CMIP: variants seen among roughly 807,000 people sequenced by gnomAD.
CMIP encodes the protein C-Maf-inducing protein.
A neutral mutation model predicts 97.3 loss-of-function variants in CMIP; 13 were observed. That is an observed-to-expected ratio of 0.13 (90% confidence interval 0.09 to 0.21). The LOEUF (loss-of-function observed/expected upper bound fraction) is 0.21. CMIP is among the 10% of genes least tolerant of loss of function. The pLI is 1.00. For missense variants in CMIP, 847 were observed against 1,024.9 expected, an observed-to-expected ratio of 0.83 and a Z score of 2.37; for synonymous variants, 538 against 436.3, an observed-to-expected ratio of 1.23 and a Z score of -2.91.
chr16:81,597,427 T>A (rs1237223468), intron 1 of CMIP, among the ~76,000 whole-genome samples: 1 of 152,200 alleles, frequency 6.6e-6, no homozygotes, highest in Non-Finnish European at 1.5e-5. Flanking sequence ...TTCCCAGCTC[T>A]CTCCTGAATA....
chr16:81,704,200 C>G, intron 18 of CMIP, 115 bp downstream of exon 18: 2 of 656,852 alleles, frequency 3.0e-6, no homozygotes, highest in Non-Finnish European at 4.9e-6. Flanking sequence ...CTGCCCCCTC[C>G]CCCTCCTTCC....
At chr16:81,495,319 C>G in intron 1 of CMIP, 1 of 1,453,046 alleles carries the variant, frequency 6.9e-7, no homozygotes, top group South Asian at 1.4e-5. Flanking sequence ...CAGGCTGGTT[C>G]AGTGATAAGC....
intron 1 of CMIP, among the ~76,000 whole-genome samples, chr16:81,560,353 G>A (rs1253574433): frequency 1.3e-5 from 2 of 151,468 alleles, no homozygotes; most frequent in Admixed American, 1.3e-4. Context: ...CCAGTAGCTG[G>A]GACTACAGGC....
chr16:81,630,612 T>C (rs1207759747), intron 3 of CMIP: 1 of 152,202 alleles, frequency 6.6e-6, no homozygotes, highest in African/African-American at 2.4e-5. Context: ...GGTCCATTCT[T>C]GGAGGGTCCT....
At chr16:81,661,179 A>G (rs775286445) in intron 6 of CMIP, among the ~76,000 whole-genome samples, 7 of 152,150 alleles carry the variant, frequency 4.6e-5, no homozygotes, top group African/African-American at 7.2e-5. Flanking sequence ...TTTCCTTGGA[A>G]TCACTTCCCG....
chr16:81,666,937 C>T (rs1217248871), intron 7 of CMIP: 1 of 150,006 alleles, frequency 6.7e-6, no homozygotes, highest in Non-Finnish European at 1.5e-5. Context: ...GGGTCAGCAG[C>T]ACCGTTGTGG....
intron 1 of CMIP, among the ~76,000 whole-genome samples, chr16:81,605,030 A>C (rs1432066550): frequency 6.6e-6 from 1 of 152,202 alleles, no homozygotes. Context: ...GGACACAGAC[A>C]ATCAGTGACC....
chr16:81,584,499 C>T (rs1419981000), intron 1 of CMIP, among the ~76,000 whole-genome samples: 1 of 152,138 alleles, frequency 6.6e-6, no homozygotes, highest in African/African-American at 2.4e-5. Flanking sequence ...GTAAAATCAT[C>T]CTTCTTTTTG....
chr16:81,605,381 G>A (rs1237838489), intron 1 of CMIP, among the ~76,000 whole-genome samples: 1 of 152,152 alleles, frequency 6.6e-6, no homozygotes, highest in Non-Finnish European at 1.5e-5. Context: ...AGATTGTGGG[G>A]TCCAGGCAGC....
intron 1 of CMIP, among the ~76,000 whole-genome samples, chr16:81,494,172 G>C (rs1376541937): frequency 6.6e-6 from 1 of 152,138 alleles, no homozygotes; most frequent in African/African-American, 2.4e-5. Context: ...GGAATCGGGG[G>C]CAGTTACCGG....
At chr16:81,579,191 G>T (rs2091253770) in intron 1 of CMIP, among the ~76,000 whole-genome samples, 1 of 152,192 alleles carries the variant, frequency 6.6e-6, no homozygotes, top group South Asian at 2.1e-4. Flanking sequence ...ATGATAAGGG[G>T]TTACTTCTTA....
At chr16:81,692,561 A>T (rs1467744257) in intron 11 of CMIP, among the ~76,000 whole-genome samples, 1 of 152,216 alleles carries the variant, frequency 6.6e-6, no homozygotes, top group Non-Finnish European at 1.5e-5. Context: ...TGTTTAGGAA[A>T]TGCTGCCTCT....
intron 1 of CMIP, among the ~76,000 whole-genome samples, chr16:81,529,787 C>T (rs2090197491): frequency 6.6e-6 from 1 of 152,206 alleles, no homozygotes; most frequent in South Asian, 2.1e-4. Flanking sequence ...ATGCAGGCAG[C>T]CTTGGAGAAC....
chr16:81,454,675 C>T (rs1315370158), intron 1 of CMIP, among the ~76,000 whole-genome samples: 1 of 152,238 alleles, frequency 6.6e-6, no homozygotes, highest in East Asian at 1.9e-4. Context: ...CTTGGAAAGT[C>T]AGACATACTC....
At chr16:81,702,531 A>G (rs1359133211) in intron 16 of CMIP, 91 bp from the exon 17 acceptor site, 6 of 1,293,438 alleles carry the variant, frequency 4.6e-6, no homozygotes, top group Non-Finnish European at 6.6e-6. Context: ...GAAAATAACG[A>G]TGGCTCCATG....
At chr16:81,475,981 C>T (rs760489478) in intron 1 of CMIP, 1 of 496,058 alleles carries the variant, frequency 2.0e-6, no homozygotes, top group East Asian at 4.6e-5. Flanking sequence ...AGTGAGACTC[C>T]TTCTCAAAAA....
intron 10 of CMIP, among the ~76,000 whole-genome samples, chr16:81,690,964 G>A (rs373201816): frequency 2.6e-4 from 40 of 152,190 alleles, no homozygotes; most frequent in African/African-American, 9.4e-4. Flanking sequence ...AAAAAAAAGG[G>A]ATCCAACAAA....
chr16:81,499,943 C>T (rs540579463), intron 1 of CMIP, among the ~76,000 whole-genome samples: 49 of 152,382 alleles, frequency 3.2e-4, no homozygotes, highest in Middle Eastern at 3.4e-3. Flanking sequence ...GGGCGCCCCA[C>T]GCACTCTGGG....
At chr16:81,701,126 A>G (rs1347916045) in intron 15 of CMIP, among the ~76,000 whole-genome samples, 3 of 151,910 alleles carry the variant, frequency 2.0e-5, no homozygotes, top group Non-Finnish European at 4.4e-5. Flanking sequence ...CTCAAAAAAA[A>G]AAAAAATCGT....
Sources: allele counts gnomAD v4.1 joint callset (sites outside exome capture counted in the v4.1 genomes callset), GRCh38; gene constraint gnomAD v4.1.1; transcripts MANE v1.5; gene names NCBI Gene and HGNC (gene_info 2026-07-23, HGNC 2026-07-21).